The following RAB11FIP5 variants were observed in gnomAD, a reference collection of about 807,000 sequenced individuals.
RAB11FIP5 encodes the protein RAB11 family interacting protein 5, also known as rab11 family-interacting protein 5.
RAB11FIP5 carries 48 observed loss-of-function variants against 85.1 expected under a neutral mutation model. The ratio of observed to expected loss-of-function variants is 0.56; its 90% confidence interval spans 0.45 to 0.72. The LOEUF is 0.72. Ranked by LOEUF, RAB11FIP5 falls within the 30% of genes least tolerant of loss-of-function variation. RAB11FIP5 has a pLI of 0.00. For synonymous variants in RAB11FIP5, 729 were observed against 727.3 expected, an observed-to-expected ratio of 1.00 and a Z score of -0.04; for missense variants, 1,491 against 1,687.0, an observed-to-expected ratio of 0.88 and a Z score of 2.04.
chr2:73,107,942 C>T (rs1259404156), intron 1 of RAB11FIP5, among the ~76,000 whole-genome samples: 2 of 152,228 alleles, frequency 1.3e-5, no homozygotes, highest in East Asian at 3.9e-4. Flanking sequence ...CAACTGTCTG[C>T]CCAGGCTGTC....
In RAB11FIP5 at chr2:73,081,974, C is replaced by T. The variant is rs559753529; in HGVS notation, c.1569-311G>A. ...TTCTTTCCTCTATCCCATGCTGAAG[C>T]TTCTAAGGTTCTACTCAACAAGGAA... is the stretch of plus-strand genomic sequence containing the variant. On this transcript the variant is annotated intron_variant, in intron 3 of 5. Transcript: ENST00000486777. The surrounding 1 kb of genome is among the most constrained non-coding windows in gnomAD (Gnocchi z 4.2). Among the ~76,000 whole-genome samples the T allele has an allele frequency of 6.6e-6, 1 of 151,732 alleles. No homozygotes were observed. The highest frequency in any genetic ancestry group is 6.6e-5 in the Admixed American group (1 of 15,252).
At chr2:73,088,011 C>T in intron 3 of RAB11FIP5, 39 bp downstream of exon 3, 2 of 1,543,370 alleles carry the variant, frequency 1.3e-6, no homozygotes, top group Non-Finnish European at 1.8e-6. Context: ...ACCCCAGCAT[C>T]CTCCCCAAGG....
In RAB11FIP5 at chr2:73,075,019, G is replaced by A. The variant is rs968454803; in HGVS notation, c.*502C>T. 12 of 357,188 alleles carry A rather than the reference G, an allele frequency of 3.4e-5. No homozygotes were observed. Among genetic ancestry groups the A allele is most frequent in the Non-Finnish European group, 6.1e-5 (11 of 181,568 alleles). 22.1% of individuals were successfully genotyped at this position (357,188 alleles called of 1,614,324 possible). A position where few individuals can be genotyped will look rare whatever the true frequency, so the allele number is the denominator to read the frequency against. ...AATGGGTGTGAGGCTGAAGAGGCTG[G>A]TTGCCCGTAACTCACAGACAAACAG... On this transcript the variant is annotated 3_prime_UTR_variant, in exon 6 of 6. Coordinates refer to ENST00000486777, the MANE Select transcript of RAB11FIP5 (RefSeq NM_001371272.1). The surrounding 1 kb of genome is among the most constrained non-coding windows in gnomAD (Gnocchi z 4.6).
chr2:73,111,441 T>C (rs978810031), intron 1 of RAB11FIP5, among the ~76,000 whole-genome samples: 1 of 152,084 alleles, frequency 6.6e-6, no homozygotes, highest in Admixed American at 6.5e-5. Context: ...ACTTGAGTGA[T>C]CCACAGCAGG....
At chr2:73,100,997 C>A (rs1226824026) in intron 1 of RAB11FIP5, among the ~76,000 whole-genome samples, 1 of 146,062 alleles carries the variant, frequency 6.8e-6, no homozygotes, top group Non-Finnish European at 1.5e-5. Flanking sequence ...GAGAGATAAT[C>A]ATCAATGGAT....
rs1336764938 is a variant in RAB11FIP5, at chr2:73,076,053, G to A, written c.3711C>T (p.Ser1237=). The A allele has an allele frequency of 1.9e-6, 3 of 1,614,028 alleles. No individual in the cohort carries two copies. Among genetic ancestry groups the A allele is most frequent in the Admixed American group, 3.3e-5 (2 of 59,998 alleles). ...GGGGGGCCTGGGTCACAGGCTGAAT[G>A]CTCCCAGATGTGACTGTTTTGAGCT... ...LEKLKTVTSG[S]IQPVTQAPQA... Residue 1237 remains serine, a synonymous_variant, in exon 5 of 6, where the codon AGC becomes AGT. Transcript: ENST00000486777.
intron 3 of RAB11FIP5, among the ~76,000 whole-genome samples, chr2:73,085,802 G>A (rs1684081519): frequency 6.6e-6 from 1 of 152,190 alleles, no homozygotes; most frequent in Admixed American, 6.5e-5. Flanking sequence ...AGTGCCACAT[G>A]GGAGCACTAG....
chr2:73,088,438 TGCTAC>T lies in RAB11FIP5; in HGVS notation c.1175_1179del (p.Arg392GlnfsTer18). On this transcript the variant is annotated frameshift_variant, in exon 3 of 6. Transcript: ENST00000486777. LOFTEE classifies it high-confidence loss of function. Reference sequence around the variant, plus strand: ...CCAAGCACTGCCTCTGAGCTGCTGTTGCTACGACTGCCTCTGGGCCAGGTGTCATC... The same window carrying T: ...CCAAGCACTGCCTCTGAGCTGCTGTTGACTGCCTCTGGGCCAGGTGTCATC... 6.2e-7 allele frequency: 1 copy of T among 1,613,894 alleles called. No homozygotes were observed. The highest frequency in any genetic ancestry group is 8.5e-7 in the Non-Finnish European group (1 of 1,180,040).
chr2:73,088,248 TC>T lies in RAB11FIP5; in HGVS notation c.1369del (p.Glu457AsnfsTer16). On this transcript the variant is annotated frameshift_variant, in exon 3 of 6. Transcript: ENST00000486777. LOFTEE classifies it high-confidence loss of function. ...GAAGAGACCCATCCGGGGCTTGCGT[TC>T]CTCCTTCCGGGCTCCCTCCTTCTCT... ...VAEKEGARKE[E>X]RKPRMGLFHH... 1 of 1,613,876 alleles carries T rather than the reference TC, an allele frequency of 6.2e-7. No homozygotes were observed. Among genetic ancestry groups the T allele is most frequent in the Non-Finnish European group, 8.5e-7 (1 of 1,180,000 alleles).
At chr2:73,103,306 G>GCTCA (rs1684463269) in intron 1 of RAB11FIP5, among the ~76,000 whole-genome samples, 1 of 152,116 alleles carries the variant, frequency 6.6e-6, no homozygotes, top group Admixed American at 6.5e-5. Flanking sequence ...TGTGGGGACA[G>GCTCA]CTCACTCATC....
rs142963385 is a variant in RAB11FIP5, at chr2:73,080,571, G to A, written c.2661C>T (p.Pro887=). 4.7e-3 allele frequency: 5,851 copies of A among 1,232,402 alleles called. 25 individuals carry two copies. Among genetic ancestry groups the A allele is most frequent in the Middle Eastern group, 0.012 (40 of 3,214 alleles). 76.3% of individuals were successfully genotyped at this position (1,232,402 alleles called of 1,614,324 possible). The change falls in exon 4 of 6, where the codon CCC becomes CCT. Residue 887 remains proline, a synonymous_variant. Coordinates refer to ENST00000486777, the MANE Select transcript of RAB11FIP5 (RefSeq NM_001371272.1). ...GCAGCCCCTTGTCAGACACCCACTCGGGTTTAGGCTCGGGCTCCGGTGGGG... is the reference window on the plus strand; with the variant it reads ...GCAGCCCCTTGTCAGACACCCACTCAGGTTTAGGCTCGGGCTCCGGTGGGG... ...GLPPPEPEPK[P]EWVSDKGLQP... is the part of the protein sequence containing the mutation.
rs764004895 is a variant in RAB11FIP5, at chr2:73,088,182, C to T, written c.1436G>A (p.Arg479His). The T allele has an allele frequency of 1.4e-5, 23 of 1,613,842 alleles. No individual in the cohort carries two copies. The highest frequency in any genetic ancestry group is 5.3e-5 in the African/African-American group (4 of 74,910). Residue 479 changes from arginine (R) to histidine (H), a missense_variant, in exon 3 of 6, where the codon CGC becomes CAC. By Grantham distance (29) the Arg-to-His change is conservative (BLOSUM62 0). Around this residue, in one of 3 missense-constraint regions of RAB11FIP5, gnomAD observed 1,211 missense variants for 1,338.0 expected, o/e 0.91. Coordinates refer to ENST00000486777, the MANE Select transcript of RAB11FIP5 (RefSeq NM_001371272.1). ...HQGLSRSELG[R>H]RSSLGEKGGP... ...CCCCTTTTCCCCCAGAGAGCTTCGGCGACCCAACTCGCTCCGACTTAGGCC... is the reference window on the plus strand; with the variant it reads ...CCCCTTTTCCCCCAGAGAGCTTCGGTGACCCAACTCGCTCCGACTTAGGCC...
Position 73,078,460 on chromosome 2 carries a change from C to T in RAB11FIP5, c.3581+1191G>A, listed in dbSNP as rs562150653. ...CTGCAACCACCAGCTCCCCCACATC[C>T]TCTCCCTCACCTCAAGGGAGGAGAG... On this transcript the variant is annotated intron_variant, in intron 4 of 5. Transcript: ENST00000486777. The surrounding 1 kb of genome is among the most constrained non-coding windows in gnomAD (Gnocchi z 4.4). Among the ~76,000 whole-genome samples the T allele has an allele frequency of 1.2e-4, 19 of 152,332 alleles. No individual in the cohort carries two copies. The East Asian group carries it at 1.4e-3, about 11-fold the overall frequency.
Position 73,075,042 on chromosome 2 carries a change from C to G in RAB11FIP5, c.*479G>C, listed in dbSNP as rs1285195411. 2.8e-6 allele frequency: 1 copy of G among 359,830 alleles called. No homozygotes were observed. Among genetic ancestry groups the G allele is most frequent in the Non-Finnish European group, 5.5e-6 (1 of 182,662 alleles). 22.3% of individuals were successfully genotyped at this position (359,830 alleles called of 1,614,324 possible). A position where few individuals can be genotyped will look rare whatever the true frequency, so the allele number is the denominator to read the frequency against. On this transcript the variant is annotated 3_prime_UTR_variant, in exon 6 of 6. Transcript: ENST00000486777. The surrounding 1 kb of genome is among the most constrained non-coding windows in gnomAD (Gnocchi z 4.6). ...TGGTTGCCCGTAACTCACAGACAAA[C>G]AGGCAGCGTGGTCATTGTCCCAGTA...
Position 73,089,099 on chromosome 2 carries a change from G to C in RAB11FIP5, c.648C>G (p.Ala216=), listed in dbSNP as rs1484382834. ...GGCTGCCCAGGTCAGGATCCTCTAT[G>C]GCGCTGCTTGGGAGGATGGCAGAGG... The part of the protein sequence containing the change: ...ESASAILPSS[A]IEDPDLGSLG... The change falls in exon 2 of 6, where the codon GCC becomes GCG. Residue 216 remains alanine, a synonymous_variant. Coordinates refer to ENST00000486777, the MANE Select transcript of RAB11FIP5 (RefSeq NM_001371272.1). This position sits in a 1 kb window ranked among gnomAD's most constrained non-coding sequence, Gnocchi z 4.6. The C allele has an allele frequency of 1.2e-6, 2 of 1,614,094 alleles. No individual in the cohort carries two copies.
At chr2:73,092,915 G>A (rs1382918425) in intron 1 of RAB11FIP5, among the ~76,000 whole-genome samples, 2 of 152,144 alleles carry the variant, frequency 1.3e-5, no homozygotes, top group African/African-American at 4.8e-5. Flanking sequence ...TGGCCACCCT[G>A]GGCACCCCAG....
intron 1 of RAB11FIP5, among the ~76,000 whole-genome samples, chr2:73,105,740 A>G (rs1432280129): frequency 6.6e-6 from 1 of 151,562 alleles, no homozygotes; most frequent in East Asian, 2.0e-4. Flanking sequence ...CATGTCAAGG[A>G]GAAGAGAGGA....
intron 1 of RAB11FIP5, among the ~76,000 whole-genome samples, chr2:73,096,614 T>G (rs1003872879): frequency 1.3e-5 from 2 of 152,178 alleles, no homozygotes; most frequent in African/African-American, 4.8e-5. Flanking sequence ...CTTCAAACTC[T>G]GTGAACTCTA....
In RAB11FIP5 at chr2:73,088,482, CCCT is replaced by C. The variant is rs1414049145; in HGVS notation, c.1133_1135del (p.Glu378del). ...CCAGGTGTCATCTGTGGAACGAGGC[CCCT>C]CCTCGGAGAACCGGGAAGAGACAGC... On this transcript the variant is annotated inframe_deletion, in exon 3 of 6. Transcript: ENST00000486777. 1 of 1,614,022 alleles carries C rather than the reference CCCT, an allele frequency of 6.2e-7. No individual in the cohort carries two copies. The highest frequency in any genetic ancestry group is 2.2e-5 in the East Asian group (1 of 44,884).
Sources: gnomAD v4.1 joint callset for allele counts (sites outside exome capture counted in the v4.1 genomes callset) on GRCh38, gnomAD v4.1.1 for gene constraint, gnomAD v4.1.1 regional missense constraint, Gnocchi (gnomAD v3.1) non-coding constraint, MANE v1.5 for transcripts, NCBI Gene and HGNC (gene_info 2026-07-23, HGNC 2026-07-21) for gene names.